Variants in ATP1B3 observed in about 807,000 individuals in gnomAD.
The protein encoded by ATP1B3 is sodium/potassium-transporting ATPase subunit beta-3.
In ATP1B3, 10 loss-of-function variants were observed where a neutral mutation model predicts 30.2. The observed-to-expected ratio is 0.33, with a 90% CI of 0.20 to 0.56. The LOEUF is 0.56. ATP1B3 is among the 20% of genes least tolerant of loss of function. The pLI is 0.90. For missense variants in ATP1B3, 238 were observed against 336.7 expected (o/e 0.71, Z 2.29); for synonymous variants, 113 against 117.0 (o/e 0.97, Z 0.22).
intron 1 of ATP1B3, chr3:141,902,294 C>A: frequency 8.7e-7 from 1 of 1,150,532 alleles, no homozygotes; most frequent in Non-Finnish European, 1.2e-6. Flanking sequence ...ACTATTTCCC[C>A]TTTACTTGAA....
intron 3 of ATP1B3, 80 bp from the exon 4 acceptor site, chr3:141,913,572 T>TGTAA: frequency 1.6e-6 from 2 of 1,213,604 alleles, no homozygotes; most frequent in Non-Finnish European, 2.2e-6. Context: ...TGAAGAACAT[T>TGTAA]TTCCAAAGGT....
intron 3 of ATP1B3, among the ~76,000 whole-genome samples, chr3:141,911,853 G>A (rs1172784345): frequency 1.3e-5 from 2 of 152,024 alleles, no homozygotes; most frequent in East Asian, 3.9e-4. Context: ...GTTACTCTGG[G>A]GTCAGTGACC....
chr3:141,879,917 G>T (rs1933690857), intron 1 of ATP1B3, among the ~76,000 whole-genome samples: 1 of 144,884 alleles, frequency 6.9e-6, no homozygotes, highest in Non-Finnish European at 1.5e-5. Flanking sequence ...TTATGTAGGT[G>T]GTGGGAGAAA....
chr3:141,903,715 G>T lies in ATP1B3; in HGVS notation c.205G>T (p.Val69Phe), dbSNP rs750730152. ...TATGCTTCAGACTCTCAACGATGAG[G>T]TTCCAAAATACCGTGACCAGATTCC... ...WVMLQTLNDEVPKYRDQIPSP... is the reference protein window; with the variant it reads ...WVMLQTLNDEFPKYRDQIPSP... Residue 69 changes from valine (V) to phenylalanine (F), a missense_variant, in exon 2 of 7, where the codon GTT becomes TTT. Transcript: ENST00000286371. The T allele has an allele frequency of 2.5e-6, 4 of 1,613,966 alleles. No individual in the cohort carries two copies. Among genetic ancestry groups the T allele is most frequent in the Admixed American group, 1.7e-5 (1 of 60,008 alleles).
intron 5 of ATP1B3, chr3:141,916,578 A>C: frequency 7.8e-7 from 1 of 1,286,090 alleles, no homozygotes; most frequent in Middle Eastern, 2.1e-4. Flanking sequence ...AAGATGGGTA[A>C]GAGTTCTGAG....
Position 141,894,393 on chromosome 3 carries a change from A to G in ATP1B3, c.110-9227A>G, listed in dbSNP as rs190813947. ...GGCTGGTCTCGAACTCCTGGCTTCA[A>G]GCAATCTTCCCATCTCAGCCTCCCA... is the stretch of plus-strand genomic sequence containing the variant. On this transcript the variant is annotated intron_variant, in intron 1 of 6. Transcript: ENST00000286371. Among the ~76,000 whole-genome samples, 25 of 152,076 alleles carry G rather than the reference A, an allele frequency of 1.6e-4. 2 individuals are homozygous for G. In the East Asian group the frequency reaches 4.4e-3, roughly 27 times the overall value.
rs909697015 is a variant in ATP1B3, at chr3:141,907,946, AT to A, written c.346+681del. ...TGAAATAGTGTCTCTGAGGACTTGG[AT>A]TTTTTTTTGCCATTTTATTTTATTT... On this transcript the variant is annotated intron_variant, in intron 3 of 6. Coordinates refer to ENST00000286371, the MANE Select transcript of ATP1B3 (RefSeq NM_001679.4). Among the ~76,000 whole-genome samples, 326 of 148,614 alleles carry A rather than the reference AT, an allele frequency of 2.2e-3. 2 individuals are homozygous for A. Among genetic ancestry groups the A allele is most frequent in the Non-Finnish European group, 3.8e-3 (253 of 67,086 alleles).
At chr3:141,897,033 A>G (rs988262850) in intron 1 of ATP1B3, among the ~76,000 whole-genome samples, 1 of 152,126 alleles carries the variant, frequency 6.6e-6, no homozygotes, top group Non-Finnish European at 1.5e-5. Context: ...CCCATTCAGA[A>G]CATGGCCCAC....
intron 1 of ATP1B3, chr3:141,902,143 G>A (rs1429367329): frequency 1.8e-5 from 23 of 1,289,668 alleles, no homozygotes; most frequent in Non-Finnish European, 2.2e-5. Flanking sequence ...CAGGATCGCA[G>A]TATGTGGTAG....
chr3:141,889,756 TACACACACACACACAC>T (rs34670135), intron 1 of ATP1B3, among the ~76,000 whole-genome samples: 13 of 84,032 alleles, frequency 1.5e-4, no homozygotes, highest in South Asian at 1.2e-3. Flanking sequence ...AAAAAATATA[TACACACACACACACAC>T]ACACACACAC....
intron 5 of ATP1B3, among the ~76,000 whole-genome samples, chr3:141,920,884 G>A (rs1934552651): frequency 1.3e-5 from 2 of 152,056 alleles, no homozygotes; most frequent in African/African-American, 4.8e-5. Context: ...CTGGTGGGTG[G>A]GGCGCATCAT....
At chr3:141,906,183 C>CT (rs764571280) in intron 2 of ATP1B3, among the ~76,000 whole-genome samples, 736 of 142,680 alleles carry the variant, frequency 5.2e-3, no homozygotes, top group African/African-American at 0.011. Context: ...AGATCTAATG[C>CT]TTTTTTTTTT....
chr3:141,923,242 C>T (rs1466860677), intron 6 of ATP1B3, among the ~76,000 whole-genome samples: 2 of 151,176 alleles, frequency 1.3e-5, no homozygotes, highest in African/African-American at 4.9e-5. Context: ...TGCACCATTG[C>T]ACTCCAGCCT....
In ATP1B3 at chr3:141,912,343, G is replaced by A. The variant is rs145086997; in HGVS notation, c.347-1309G>A. Among the ~76,000 whole-genome samples, 114 of 152,092 alleles carry A rather than the reference G, an allele frequency of 7.5e-4. 1 individual carries two copies. Among genetic ancestry groups the A allele is most frequent in the African/African-American group, 2.5e-3 (105 of 41,462 alleles). On this transcript the variant is annotated intron_variant, in intron 3 of 6. Transcript: ENST00000286371. ...AGGCTGGAGTGCAGTGGCAACCTCC[G>A]CCCTCTGAGTTCAAGCGATTCTCCT...
intron 1 of ATP1B3, chr3:141,902,010 C>T: frequency 1.6e-6 from 1 of 644,714 alleles, no homozygotes; most frequent in African/African-American, 1.9e-5. Context: ...CTGCAGACAC[C>T]TAGATCTCAA....
chr3:141,909,711 C>A (rs1559871516), intron 3 of ATP1B3, among the ~76,000 whole-genome samples: 1 of 152,190 alleles, frequency 6.6e-6, no homozygotes, highest in African/African-American at 2.4e-5. Context: ...GAGATCCAGA[C>A]TGTAGGTCCT....
At chr3:141,896,426 C>A (rs375857440) in intron 1 of ATP1B3, among the ~76,000 whole-genome samples, 1 of 151,958 alleles carries the variant, frequency 6.6e-6, no homozygotes, top group South Asian at 2.1e-4. Flanking sequence ...GAGGCTGGGG[C>A]AGGAGGATTG....
intron 3 of ATP1B3, among the ~76,000 whole-genome samples, chr3:141,909,382 C>T (rs915494962): frequency 5.3e-5 from 8 of 152,054 alleles, no homozygotes; most frequent in African/African-American, 1.9e-4. Context: ...CTTTCTGGAG[C>T]TTAGACTCAT....
chr3:141,891,541 CTT>C (rs1490256256), intron 1 of ATP1B3, among the ~76,000 whole-genome samples: 1 of 152,050 alleles, frequency 6.6e-6, no homozygotes, highest in African/African-American at 2.4e-5. Context: ...ATTGAAAACA[CTT>C]TTGATCAAGT....
Sources: allele counts gnomAD v4.1 joint callset (sites outside exome capture counted in the v4.1 genomes callset), GRCh38; gene constraint gnomAD v4.1.1; transcripts MANE v1.5; gene names NCBI Gene and HGNC (gene_info 2026-07-23, HGNC 2026-07-21).